SYTL4: variants seen among roughly 807,000 people sequenced by gnomAD.
SYTL4 encodes the protein synaptotagmin like 4, also known as synaptotagmin-like protein 4.
In SYTL4, 16 loss-of-function variants were observed where a neutral mutation model predicts 52.7. The ratio of observed to expected loss-of-function variants is 0.30; its 90% CI spans 0.21 to 0.46. The LOEUF is 0.46. SYTL4 is among the 20% of genes least tolerant of loss of function. The pLI is 1.00. For synonymous variants in SYTL4, 160 were observed against 186.6 expected (o/e 0.86, Z 1.16); for missense variants, 423 against 519.9 (o/e 0.81, Z 1.81).
intron 8 of SYTL4, among the ~76,000 whole-genome samples, chrX:100,700,204 G>A (rs771992680): frequency 1.2e-4 from 13 of 111,530 alleles, no homozygotes; most frequent in Non-Finnish European, 2.3e-4. Context: ...CACCAAAAAT[G>A]GACAAATTGT....
intron 13 of SYTL4, chrX:100,687,494 C>T (rs1569382571): frequency 2.7e-6 from 1 of 368,808 alleles, no homozygotes; most frequent in East Asian, 4.5e-5. Flanking sequence ...ACTCTTTTTA[C>T]AAATTTTAGT....
intron 8 of SYTL4, among the ~76,000 whole-genome samples, chrX:100,696,335 T>C (rs1426847170): frequency 3.6e-5 from 4 of 112,272 alleles, no homozygotes; most frequent in African/African-American, 1.3e-4. Flanking sequence ...TTGTTTATAA[T>C]AGCAAGGAGG....
intron 3 of SYTL4, among the ~76,000 whole-genome samples, chrX:100,703,587 C>T (rs1209790786): frequency 8.9e-6 from 1 of 111,923 alleles, no homozygotes; most frequent in Non-Finnish European, 1.9e-5. Context: ...ATATACTTAA[C>T]CAAGCAATAT....
intron 2 of SYTL4, among the ~76,000 whole-genome samples, chrX:100,715,594 G>T (rs1268324385): frequency 9.0e-6 from 1 of 111,486 alleles, no homozygotes; most frequent in East Asian, 2.8e-4. Flanking sequence ...AAGTAGTACA[G>T]CATAATGAAT....
chrX:100,701,903 C>T, intron 5 of SYTL4, 25 bp downstream of exon 5: 1 of 1,120,643 alleles, frequency 8.9e-7, no homozygotes, highest in Non-Finnish European at 1.2e-6. Context: ...GGCCTGGGAC[C>T]CCATGCGTTT....
Position 100,688,370 on chromosome X carries a change from A to C in SYTL4, c.986T>G (p.Met329Arg). The C allele has an allele frequency of 8.3e-7, 1 of 1,210,198 alleles. No individual in the cohort carries two copies. The highest frequency in any genetic ancestry group is 1.1e-6 in the Non-Finnish European group (1 of 894,233). The change falls in exon 13 of 20, where the codon ATG becomes AGG. Residue 329 changes from methionine (M) to arginine (R), a missense_variant. Physicochemically the swap from Met to Arg is moderately conservative, Grantham distance 91. Transcript: ENST00000372989. ...ACTTACCATGGAGGAGCCACTTTGCATGCTGCTTCTGGCTAGCTTCTGGCG... is the reference window on the plus strand; with the variant it reads ...ACTTACCATGGAGGAGCCACTTTGCCTGCTGCTTCTGGCTAGCTTCTGGCG... ...LHRQKLARSS[M>R]QSGSSMSTIG...
At chrX:100,718,478 A>G (rs1030363868) in intron 2 of SYTL4, among the ~76,000 whole-genome samples, 8 of 111,125 alleles carry the variant, frequency 7.2e-5, no homozygotes, top group Non-Finnish European at 1.3e-4. Flanking sequence ...AAACTGGTAG[A>G]GTCAGTATCA....
At chrX:100,719,013 G>C (rs2084285517) in intron 2 of SYTL4, among the ~76,000 whole-genome samples, 1 of 110,609 alleles carries the variant, frequency 9.0e-6, no homozygotes, top group Admixed American at 9.6e-5. Flanking sequence ...GGCCAGGCTG[G>C]TCTCAAATGC....
intron 7 of SYTL4, 60 bp downstream of exon 7, chrX:100,701,160 C>T: frequency 1.0e-6 from 1 of 1,002,479 alleles, no homozygotes; most frequent in Non-Finnish European, 1.4e-6. Flanking sequence ...AGTTAAGATG[C>T]TACCAGTCAG....
In SYTL4 at chrX:100,675,881, CAT is replaced by C. The variant is rs778906164; in HGVS notation, c.*145_*146del. 58 of 408,679 alleles carry C rather than the reference CAT, an allele frequency of 1.4e-4. No individual in the cohort carries two copies. The highest frequency in any genetic ancestry group is 1.6e-4 in the Non-Finnish European group (45 of 276,857). The allele number at this position is 408,679 out of a possible 1,213,427, so 33.7% of individuals were successfully genotyped here. ...AGCATAATGAGATTTGCAGAAAATA[CAT>C]GTTTGTACACATACACACACACACA... is the stretch of plus-strand genomic sequence containing the variant. On this transcript the variant is annotated 3_prime_UTR_variant, in exon 20 of 20. Transcript: ENST00000372989.
At chrX:100,724,545 G>A (rs767498888) in intron 2 of SYTL4, among the ~76,000 whole-genome samples, 228 of 104,055 alleles carry the variant, frequency 2.2e-3, no homozygotes, top group African/African-American at 7.4e-3. Context: ...CTTCTTCCTT[G>A]GGATCCTGTT....
intron 7 of SYTL4, 56 bp downstream of exon 7, chrX:100,701,164 C>A: frequency 2.0e-6 from 2 of 1,010,508 alleles, no homozygotes; most frequent in South Asian, 4.0e-5. Context: ...AAGATGCTAC[C>A]AGTCAGAATA....
chrX:100,684,431 A>G (rs982844276), intron 16 of SYTL4, among the ~76,000 whole-genome samples: 8 of 111,940 alleles, frequency 7.1e-5, no homozygotes, highest in African/African-American at 2.3e-4. Context: ...TTTAAGAGCA[A>G]AAAAGAATTC....
At position 100,701,205 on chromosome X, in the gene SYTL4, A is replaced by G; in HGVS notation, c.436+15T>C. ...GGATTCCATACCAAGAACCATCTCT[A>G]GACAGGTCCAGTACCTGCAGGTTTG... On this transcript the variant is annotated intron_variant, in intron 7 of 19. Coordinates refer to ENST00000372989, the MANE Select transcript of SYTL4 (RefSeq NM_001370165.1). 4 of 1,177,160 alleles carry G rather than the reference A, an allele frequency of 3.4e-6. No individual in the cohort carries two copies. The highest frequency in any genetic ancestry group is 4.6e-6 in the Non-Finnish European group (4 of 864,990).
intron 2 of SYTL4, among the ~76,000 whole-genome samples, chrX:100,716,475 A>T (rs2084219029): frequency 1.3e-5 from 1 of 77,984 alleles, no homozygotes; most frequent in African/African-American, 4.1e-5. Context: ...AAAAAAAAAA[A>T]AAAAAAAAAG....
intron 12 of SYTL4, among the ~76,000 whole-genome samples, chrX:100,689,054 C>T: frequency 9.1e-6 from 1 of 110,146 alleles, no homozygotes; most frequent in African/African-American, 3.3e-5. Context: ...TGAGCCCCAG[C>T]CATATATCCA....
chrX:100,712,230 T>C (rs1002043442), intron 2 of SYTL4, among the ~76,000 whole-genome samples: 2 of 112,215 alleles, frequency 1.8e-5, no homozygotes, highest in Non-Finnish European at 1.9e-5. Flanking sequence ...ATGGTAACAA[T>C]GTAGGTAAAA....
chrX:100,701,582 C>T lies in SYTL4; in HGVS notation c.202G>A (p.Glu68Lys), dbSNP rs748987113. The T allele has an allele frequency of 9.1e-6, 11 of 1,209,837 alleles. No homozygotes were observed. The highest frequency in any genetic ancestry group is 3.5e-5 in the African/African-American group (2 of 57,095). Residue 68 changes from glutamate (E) to lysine (K), a missense_variant, in exon 6 of 20, where the codon GAG becomes AAG. Glu to Lys is a moderately conservative substitution (Grantham distance 56, BLOSUM62 1). Coordinates refer to ENST00000372989, the MANE Select transcript of SYTL4 (RefSeq NM_001370165.1). ...YSDRTCARCQ[E>K]SLGRLSPKTN... ...TTGGGACTCAAACGGCCCAGGCTCT[C>T]CTGGCACCGGGCACAGGTCCGATCA...
At position 100,675,685 on chromosome X, in the gene SYTL4, C is replaced by T. The variant is rs993520169; in HGVS notation, c.*343G>A. The T allele has an allele frequency of 2.1e-5, 3 of 143,100 alleles. No homozygotes were observed. The highest frequency in any genetic ancestry group is 3.1e-5 in the African/African-American group (1 of 31,886). The allele number at this position is 143,100 out of a possible 1,213,427, so 11.8% of individuals were successfully genotyped here. ...GGAAGTAGGAACAATGATAGCAAGA[C>T]AGAAGATAAAAAGTTGTTTTAAAAG... On this transcript the variant is annotated 3_prime_UTR_variant, in exon 20 of 20. Transcript: ENST00000372989.
Sources: allele counts gnomAD v4.1 joint callset (sites outside exome capture counted in the v4.1 genomes callset), GRCh38; gene constraint gnomAD v4.1.1; transcripts MANE v1.5; gene names NCBI Gene and HGNC (gene_info 2026-07-23, HGNC 2026-07-21).